The following CADPS variants were observed in gnomAD, a reference collection of about 807,000 sequenced individuals.
The protein encoded by CADPS is calcium-dependent secretion activator 1.
Under a neutral mutation model 167.3 loss-of-function variants are expected in CADPS, and 57 were observed. The ratio of observed to expected loss-of-function variants is 0.34; its 90% CI spans 0.28 to 0.42. The LOEUF (loss-of-function observed/expected upper bound fraction) is 0.42. Ranked by LOEUF, CADPS falls within the 20% of genes least tolerant of loss-of-function variation. CADPS has a pLI of 1.00. For synonymous variants in CADPS, 676 were observed against 635.3 expected (o/e 1.06, Z -0.96); for missense variants, 1,414 against 1,738.1 (o/e 0.81, Z 3.32).
intron 1 of CADPS, among the ~76,000 whole-genome samples, chr3:62,815,169 G>T (rs1356579928): frequency 6.6e-6 from 1 of 151,990 alleles, no homozygotes; most frequent in African/African-American, 2.4e-5. Flanking sequence ...ATTAATCATG[G>T]CAATACAGAT....
At chr3:62,594,381 T>A (rs9825903) in intron 6 of CADPS, among the ~76,000 whole-genome samples, 1 of 151,932 alleles carries the variant, frequency 6.6e-6, no homozygotes, top group African/African-American at 2.4e-5. Flanking sequence ...CGGGATGGTC[T>A]CGATCTCCTG....
intron 6 of CADPS, among the ~76,000 whole-genome samples, chr3:62,606,890 G>A (rs60235871): frequency 0.047 from 7,186 of 152,258 alleles, 253 homozygotes; most frequent in South Asian, 0.1. Flanking sequence ...AGAATCGAAG[G>A]CCAGCCAGAT....
intron 3 of CADPS, among the ~76,000 whole-genome samples, chr3:62,691,971 T>C (rs1228378519): frequency 6.6e-6 from 1 of 150,984 alleles, no homozygotes; most frequent in African/African-American, 2.4e-5. Context: ...TTTTTGATAA[T>C]AATATGGTCT....
In CADPS at chr3:62,428,296, CTTTTTTTTTTTTTTT is replaced by C. The variant is rs34002756; in HGVS notation, c.3777+9793_3777+9807del. On this transcript the variant is annotated intron_variant, in intron 28 of 29. Coordinates refer to ENST00000383710, the MANE Select transcript of CADPS (RefSeq NM_003716.4). ...TTGCAGCCACCTGGTGGAAGCAAGA[CTTTTTTTTTTTTTTT>C]TTTTTTTTTTTTTTTTTTAAATTGA... Among the ~76,000 whole-genome samples, 829 of 64,734 alleles carry C rather than the reference CTTTTTTTTTTTTTTT, an allele frequency of 0.013. 22 individuals carry two copies. In the Middle Eastern group the frequency reaches 0.15, roughly 12 times the overall value. The allele number at this position is 64,734 out of a possible 152,430, so 42.5% of individuals were successfully genotyped here.
At chr3:62,422,555 T>C (rs2051664255) in intron 28 of CADPS, among the ~76,000 whole-genome samples, 1 of 152,184 alleles carries the variant, frequency 6.6e-6, no homozygotes, top group Non-Finnish European at 1.5e-5. Context: ...CATCACCTTG[T>C]CACATTGTTT....
intron 3 of CADPS, among the ~76,000 whole-genome samples, chr3:62,714,172 A>C (rs1041443956): frequency 6.6e-6 from 1 of 152,200 alleles, no homozygotes; most frequent in African/African-American, 2.4e-5. Flanking sequence ...GTTGGTACAA[A>C]AGAAAAGCAA....
intron 1 of CADPS, among the ~76,000 whole-genome samples, chr3:62,830,947 GGGGA>G (rs745862846): frequency 1.3e-5 from 2 of 152,090 alleles, no homozygotes; most frequent in Admixed American, 6.6e-5. Flanking sequence ...CCAATCTGCT[GGGGA>G]GGATTTATTC....
chr3:62,607,776 T>TGTGA (rs1207595257), intron 6 of CADPS, among the ~76,000 whole-genome samples: 1 of 152,214 alleles, frequency 6.6e-6, no homozygotes, highest in East Asian at 1.9e-4. Flanking sequence ...CTGAGGACAC[T>TGTGA]GTGAGCCATG....
At chr3:62,820,260 G>A (rs754110928) in intron 1 of CADPS, among the ~76,000 whole-genome samples, 6 of 152,152 alleles carry the variant, frequency 3.9e-5, no homozygotes, top group Non-Finnish European at 7.3e-5. Context: ...ACAAGGTGCC[G>A]AGATGATCAC....
chr3:62,524,429 T>C (rs980531782), intron 13 of CADPS, among the ~76,000 whole-genome samples: 1 of 152,156 alleles, frequency 6.6e-6, no homozygotes, highest in Non-Finnish European at 1.5e-5. Context: ...TCAGACACGC[T>C]GCTAAAACAA....
intron 3 of CADPS, among the ~76,000 whole-genome samples, chr3:62,745,205 C>T (rs1222198835): frequency 1.3e-5 from 2 of 152,080 alleles, no homozygotes; most frequent in African/African-American, 2.4e-5. Context: ...ATCCCAGCCT[C>T]CCAAGTGTGA....
intron 3 of CADPS, among the ~76,000 whole-genome samples, chr3:62,733,324 CG>C (rs2078306377): frequency 6.6e-6 from 1 of 152,156 alleles, no homozygotes; most frequent in Non-Finnish European, 1.5e-5. Context: ...GCCAGAAGAG[CG>C]TCTATGGATG....
intron 13 of CADPS, among the ~76,000 whole-genome samples, chr3:62,519,920 C>T (rs1336862099): frequency 6.6e-6 from 1 of 152,178 alleles, no homozygotes. Context: ...CTACAACTTC[C>T]TTAAGCTGTG....
intron 26 of CADPS, among the ~76,000 whole-genome samples, chr3:62,461,660 C>G (rs911325877): frequency 6.6e-6 from 1 of 152,214 alleles, no homozygotes; most frequent in Non-Finnish European, 1.5e-5. Context: ...TCTTCTGTAT[C>G]CATCGCTGAC....
intron 1 of CADPS, among the ~76,000 whole-genome samples, chr3:62,838,738 T>A (rs2076240700): frequency 6.6e-6 from 1 of 152,164 alleles, no homozygotes; most frequent in Non-Finnish European, 1.5e-5. Flanking sequence ...TGAGATATAG[T>A]CAGTGTTTAT....
chr3:62,592,839 T>C, intron 6 of CADPS, 91 bp from the exon 7 acceptor site: 1 of 875,972 alleles, frequency 1.1e-6, no homozygotes, highest in Admixed American at 2.2e-5. Flanking sequence ...GAATGCAGGG[T>C]TAACCCAAGG....
intron 1 of CADPS, among the ~76,000 whole-genome samples, chr3:62,873,510 G>C (rs2083017699): frequency 1.3e-5 from 2 of 151,884 alleles, no homozygotes; most frequent in African/African-American, 2.4e-5. Flanking sequence ...ACTCCAGCTG[G>C]GTTCCTGCCT....
chr3:62,729,136 G>A (rs182129897), intron 3 of CADPS, among the ~76,000 whole-genome samples: 4 of 152,014 alleles, frequency 2.6e-5, no homozygotes, highest in African/African-American at 9.7e-5. Flanking sequence ...GCATCCAAAA[G>A]GTTCACATTG....
intron 6 of CADPS, among the ~76,000 whole-genome samples, chr3:62,604,506 T>C (rs779056898): frequency 3.3e-5 from 5 of 152,232 alleles, no homozygotes; most frequent in Non-Finnish European, 7.3e-5. Flanking sequence ...GCATTATTCA[T>C]TGAAGGTTGA....
Sources: gnomAD v4.1 joint callset for allele counts (sites outside exome capture counted in the v4.1 genomes callset) on GRCh38, gnomAD v4.1.1 for gene constraint, MANE v1.5 for transcripts, NCBI Gene and HGNC (gene_info 2026-07-23, HGNC 2026-07-21) for gene names.